VSNL1: variants seen among roughly 807,000 people sequenced by gnomAD.
The protein encoded by VSNL1 is visinin-like protein 1.
Under a neutral mutation model 20.4 loss-of-function variants are expected in VSNL1, and 6 were observed. The ratio of observed to expected loss-of-function variants is 0.29; its 90% confidence interval spans 0.16 to 0.58. The LOEUF (loss-of-function observed/expected upper bound fraction) is 0.58, where lower values mean the gene tolerates loss of function less well. Among genes scored for constraint, VSNL1 ranks in the 20% least tolerant of loss-of-function variants. The probability of loss-of-function intolerance (pLI) is 0.90; values close to 1 mark genes in which losing one functional copy is unlikely to be tolerated. For synonymous variants in VSNL1, 93 were observed against 86.4 expected, an observed-to-expected ratio of 1.08 and a Z score of -0.42; for missense variants, 100 against 234.5, an observed-to-expected ratio of 0.43 and a Z score of 3.75.
intron 2 of VSNL1, among the ~76,000 whole-genome samples, chr2:17,594,456 G>C (rs1664667851): frequency 2.0e-5 from 3 of 152,212 alleles, no homozygotes. Flanking sequence ...GAAAGGAGAA[G>C]CCTGGAAAAA....
intron 1 of VSNL1, among the ~76,000 whole-genome samples, chr2:17,559,276 A>G (rs761528337): frequency 1.3e-5 from 2 of 152,214 alleles, no homozygotes; most frequent in African/African-American, 4.8e-5. Context: ...TTTTATTACT[A>G]AAGAAGAAGA....
At position 17,592,236 on chromosome 2, in the gene VSNL1, G is replaced by A; in HGVS notation, c.162G>A (p.Lys54=). ...AGGAATTTCAGCAGCTCTATGTGAA[G>A]GTAAGTTGTTTTTCAACCTTGTTTT... ...NLEEFQQLYV[K]FFPYGDASKF... The change falls in exon 2 of 4, where the codon AAG becomes AAA. Residue 54 remains lysine (K), a splice_region_variant and synonymous_variant. Transcript: ENST00000295156. 1 of 1,613,352 alleles carries A rather than the reference G, an allele frequency of 6.2e-7. No homozygotes were observed. The highest frequency in any genetic ancestry group is 8.5e-7 in the Non-Finnish European group (1 of 1,179,510).
intron 1 of VSNL1, among the ~76,000 whole-genome samples, chr2:17,552,573 C>T (rs996457649): frequency 6.6e-6 from 1 of 152,142 alleles, no homozygotes; most frequent in Non-Finnish European, 1.5e-5. Flanking sequence ...ACTGCCGTCC[C>T]CATCCTTCCT....
chr2:17,562,361 A>T (rs1448373394), intron 1 of VSNL1, among the ~76,000 whole-genome samples: 2 of 152,114 alleles, frequency 1.3e-5, no homozygotes, highest in Admixed American at 1.3e-4. Context: ...GGATTCCCCC[A>T]CCTTCAGACT....
At chr2:17,577,185 T>C (rs980750125) in intron 1 of VSNL1, among the ~76,000 whole-genome samples, 2 of 152,256 alleles carry the variant, frequency 1.3e-5, no homozygotes, top group East Asian at 3.8e-4. Context: ...ATCATATATA[T>C]AGTCCATTGT....
At chr2:17,591,142 T>A (rs139619734) in intron 1 of VSNL1, among the ~76,000 whole-genome samples, 5 of 152,270 alleles carry the variant, frequency 3.3e-5, no homozygotes, top group Admixed American at 2.6e-4. Flanking sequence ...TCACAATGAA[T>A]CTGAAAGAGC....
At chr2:17,551,190 C>T (rs1231582341) in intron 1 of VSNL1, among the ~76,000 whole-genome samples, 3 of 152,128 alleles carry the variant, frequency 2.0e-5, no homozygotes, top group Non-Finnish European at 4.4e-5. Context: ...CAAATAAGAC[C>T]TTGTCCATTT....
At chr2:17,568,107 A>G (rs1173574505) in intron 1 of VSNL1, among the ~76,000 whole-genome samples, 2 of 152,108 alleles carry the variant, frequency 1.3e-5, no homozygotes, top group African/African-American at 4.8e-5. Flanking sequence ...AATATATGCT[A>G]GGCTTATTTT....
intron 2 of VSNL1, among the ~76,000 whole-genome samples, chr2:17,633,835 A>G (rs1665692351): frequency 6.6e-6 from 1 of 152,140 alleles, no homozygotes; most frequent in South Asian, 2.1e-4. Flanking sequence ...GGTGGAAAGG[A>G]AAGAGCAGGC....
At chr2:17,571,874 A>G (rs1033903013) in intron 1 of VSNL1, among the ~76,000 whole-genome samples, 5 of 152,248 alleles carry the variant, frequency 3.3e-5, no homozygotes, top group African/African-American at 1.2e-4. Context: ...CAGTGATCTG[A>G]CTGGCAAGAA....
intron 2 of VSNL1, among the ~76,000 whole-genome samples, chr2:17,632,154 C>T (rs1043028026): frequency 3.9e-5 from 6 of 152,184 alleles, no homozygotes; most frequent in African/African-American, 1.2e-4. Context: ...CAGGCGTGAG[C>T]CACCACACCT....
chr2:17,553,994 T>G (rs1016408147), intron 1 of VSNL1, among the ~76,000 whole-genome samples: 5 of 152,214 alleles, frequency 3.3e-5, no homozygotes, highest in Non-Finnish European at 7.4e-5. Flanking sequence ...GACCATCTTT[T>G]GCACTGGGTA....
At chr2:17,572,652 C>T (rs1238627968) in intron 1 of VSNL1, among the ~76,000 whole-genome samples, 1 of 152,214 alleles carries the variant, frequency 6.6e-6, no homozygotes, top group Non-Finnish European at 1.5e-5. Flanking sequence ...TGATTGGAGT[C>T]ATACAGGTAG....
At chr2:17,561,611 A>G (rs890445654) in intron 1 of VSNL1, among the ~76,000 whole-genome samples, 1 of 152,210 alleles carries the variant, frequency 6.6e-6, no homozygotes, top group Non-Finnish European at 1.5e-5. Flanking sequence ...ATACTTTTGG[A>G]GAATGGATTA....
chr2:17,580,098 A>G (rs950520695), intron 1 of VSNL1, among the ~76,000 whole-genome samples: 1 of 152,200 alleles, frequency 6.6e-6, no homozygotes, highest in Non-Finnish European at 1.5e-5. Flanking sequence ...TTTATGTAAG[A>G]TGTGAGATAG....
intron 1 of VSNL1, among the ~76,000 whole-genome samples, chr2:17,589,173 C>A (rs1290688310): frequency 6.6e-6 from 1 of 152,138 alleles, no homozygotes; most frequent in Non-Finnish European, 1.5e-5. Flanking sequence ...GGGGGGAAGT[C>A]ATTCTAGGAG....
At chr2:17,572,492 A>T (rs2103357502) in intron 1 of VSNL1, among the ~76,000 whole-genome samples, 1 of 152,320 alleles carries the variant, frequency 6.6e-6, no homozygotes, top group Admixed American at 6.5e-5. Flanking sequence ...TACTTATGCC[A>T]AAACAAGTAA....
intron 2 of VSNL1, among the ~76,000 whole-genome samples, chr2:17,617,276 C>T (rs1419547108): frequency 6.6e-6 from 1 of 152,124 alleles, no homozygotes; most frequent in Non-Finnish European, 1.5e-5. Flanking sequence ...GGGCAGATCC[C>T]CTGAGGTCAG....
chr2:17,593,962 A>G (rs1664653268), intron 2 of VSNL1, among the ~76,000 whole-genome samples: 1 of 152,196 alleles, frequency 6.6e-6, no homozygotes, highest in Non-Finnish European at 1.5e-5. Context: ...CATATCACTA[A>G]AGGCCATGCA....
Sources: gnomAD v4.1 joint callset for allele counts (sites outside exome capture counted in the v4.1 genomes callset) on GRCh38, gnomAD v4.1.1 for gene constraint, MANE v1.5 for transcripts, NCBI Gene and HGNC (gene_info 2026-07-23, HGNC 2026-07-21) for gene names.